The following SGK3 variants were observed in gnomAD, a reference collection of about 807,000 sequenced individuals.
The protein encoded by SGK3 is serine/threonine-protein kinase Sgk3.
Under a neutral mutation model 68.5 loss-of-function variants are expected in SGK3, and 47 were observed. That is an observed-to-expected ratio of 0.69 (90% CI 0.54 to 0.87). The LOEUF is 0.87. SGK3 is among the 40% of genes least tolerant of loss of function. SGK3 has a pLI of 0.00. For missense variants in SGK3, 479 were observed against 575.5 expected (o/e 0.83, Z 1.72); for synonymous variants, 181 against 189.1 (o/e 0.96, Z 0.35).
chr8:66,729,431 G>A (rs1473617868), intron 1 of SGK3, among the ~76,000 whole-genome samples: 1 of 151,948 alleles, frequency 6.6e-6, no homozygotes. Flanking sequence ...ACTCCAGTCT[G>A]GGCGACAGAG....
chr8:66,729,614 G>A (rs1403846045), intron 1 of SGK3, among the ~76,000 whole-genome samples: 2 of 152,142 alleles, frequency 1.3e-5, no homozygotes, highest in East Asian at 1.9e-4. Context: ...GAACATATAT[G>A]TTTTAATTTC....
At chr8:66,836,143 G>C in intron 10 of SGK3, 69 bp downstream of exon 10, 1 of 1,544,578 alleles carries the variant, frequency 6.5e-7, no homozygotes, top group Non-Finnish European at 8.7e-7. Context: ...AGTTTTTCTT[G>C]TAAGTTTTAG....
chr8:66,822,400 G>C lies in SGK3; in HGVS notation c.358G>C (p.Asp120His). Residue 120 changes from aspartate (D) to histidine (H), a missense_variant, in exon 6 of 17, where the codon GAC (aspartate) becomes CAC (histidine). By Grantham distance (81) the Asp-to-His change is moderately conservative (BLOSUM62 -1). Around this residue, in one of 3 missense-constraint regions of SGK3, gnomAD observed 298 missense variants for 329.4 expected, o/e 0.90. Transcript: ENST00000521198. ...AGATGTCAGAGCATTCCTTCAAATG[G>C]ACAGTCCAAAACACCAGTCAGATCC... ...HPDVRAFLQMDSPKHQSDPSE... is the reference protein window; with the variant it reads ...HPDVRAFLQMHSPKHQSDPSE... 6.2e-7 allele frequency: 1 copy of C among 1,609,700 alleles called. No individual in the cohort carries two copies. The highest frequency in any genetic ancestry group is 1.1e-5 in the South Asian group (1 of 90,140).
chr8:66,817,085 G>A (rs1018322134), intron 5 of SGK3, among the ~76,000 whole-genome samples: 1 of 152,030 alleles, frequency 6.6e-6, no homozygotes, highest in African/African-American at 2.4e-5. Flanking sequence ...CTCCCAAAGT[G>A]CTGGGATTAC....
At chr8:66,739,704 G>A (rs1478649629) in intron 1 of SGK3, among the ~76,000 whole-genome samples, 1 of 152,110 alleles carries the variant, frequency 6.6e-6, no homozygotes, top group Non-Finnish European at 1.5e-5. Flanking sequence ...CCGACACTGG[G>A]TAATTTATAA....
chr8:66,810,721 A>AT (rs1182081472), intron 4 of SGK3, among the ~76,000 whole-genome samples: 1 of 152,156 alleles, frequency 6.6e-6, no homozygotes, highest in Non-Finnish European at 1.5e-5. Flanking sequence ...AAATAAATAA[A>AT]TAAAATCATA....
intron 4 of SGK3, among the ~76,000 whole-genome samples, chr8:66,811,355 A>G (rs887673337): frequency 2.0e-5 from 3 of 152,166 alleles, no homozygotes; most frequent in Admixed American, 1.3e-4. Flanking sequence ...TTTGAATTCC[A>G]GCAGATACAT....
chr8:66,846,681 C>G (rs1810034479), intron 14 of SGK3, among the ~76,000 whole-genome samples: 1 of 152,136 alleles, frequency 6.6e-6, no homozygotes, highest in Non-Finnish European at 1.5e-5. Context: ...AAGCTATACC[C>G]CAAGTCTTTT....
chr8:66,831,442 C>G, intron 8 of SGK3, 131 bp downstream of exon 8: 1 of 1,068,006 alleles, frequency 9.4e-7, no homozygotes, highest in African/African-American at 1.6e-5. Context: ...TGGGCTCAAG[C>G]CATCCTCCCA....
intron 1 of SGK3, among the ~76,000 whole-genome samples, chr8:66,770,671 G>A (rs1207600389): frequency 1.3e-5 from 2 of 152,262 alleles, no homozygotes; most frequent in African/African-American, 2.4e-5. Flanking sequence ...GTGCTATTCT[G>A]TCTAATGCTT....
At chr8:66,835,920 T>C (rs1307754664) in intron 9 of SGK3, 23 bp from the exon 10 acceptor site, 1 of 1,612,244 alleles carries the variant, frequency 6.2e-7, no homozygotes, top group East Asian at 2.2e-5. Context: ...TATAATACAA[T>C]TGATCTTTTG....
At chr8:66,780,965 G>A (rs1806950435) in intron 1 of SGK3, among the ~76,000 whole-genome samples, 1 of 152,072 alleles carries the variant, frequency 6.6e-6, no homozygotes, top group Non-Finnish European at 1.5e-5. Flanking sequence ...TGTCTTTGTG[G>A]GTTTTGTTTT....
At chr8:66,789,540 C>T (rs1282493986) in intron 1 of SGK3, among the ~76,000 whole-genome samples, 2 of 152,172 alleles carry the variant, frequency 1.3e-5, no homozygotes, top group Admixed American at 1.3e-4. Flanking sequence ...GCCTATGGTC[C>T]TATTGGACCC....
chr8:66,794,264 G>A (rs1807583148), intron 2 of SGK3, among the ~76,000 whole-genome samples: 1 of 151,988 alleles, frequency 6.6e-6, no homozygotes, highest in South Asian at 2.1e-4. Flanking sequence ...TCACCTTAAA[G>A]GCTAAGCCAT....
chr8:66,740,158 G>A (rs578118097), intron 1 of SGK3, among the ~76,000 whole-genome samples: 42 of 152,260 alleles, frequency 2.8e-4, no homozygotes, highest in African/African-American at 9.6e-4. Context: ...CTGTACTTCT[G>A]TAGTCCATAA....
At chr8:66,845,511 A>G (rs868410756) in intron 14 of SGK3, among the ~76,000 whole-genome samples, 9 of 152,144 alleles carry the variant, frequency 5.9e-5, no homozygotes, top group African/African-American at 2.2e-4. Flanking sequence ...TTTAAAAATT[A>G]TGTATACTTT....
chr8:66,719,939 TAA>T (rs1292909201), intron 1 of SGK3, among the ~76,000 whole-genome samples: 1 of 152,234 alleles, frequency 6.6e-6, no homozygotes, highest in African/African-American at 2.4e-5. Flanking sequence ...ATGCCATTTT[TAA>T]AAGTTTCTCT....
intron 2 of SGK3, among the ~76,000 whole-genome samples, chr8:66,795,013 A>C (rs532780996): frequency 6.6e-6 from 1 of 152,266 alleles, no homozygotes; most frequent in Non-Finnish European, 1.5e-5. Flanking sequence ...GAGCCCCCTG[A>C]GGCTCTGACA....
At chr8:66,833,619 T>C (rs1234915226) in intron 8 of SGK3, among the ~76,000 whole-genome samples, 1 of 152,256 alleles carries the variant, frequency 6.6e-6, no homozygotes, top group Non-Finnish European at 1.5e-5. Context: ...TGTTGTCAAA[T>C]CCGTGACCAT....
Sources: allele counts gnomAD v4.1 joint callset (sites outside exome capture counted in the v4.1 genomes callset), GRCh38; gene constraint gnomAD v4.1.1; regional missense constraint gnomAD v4.1.1; transcripts MANE v1.5; gene names NCBI Gene and HGNC (gene_info 2026-07-23, HGNC 2026-07-21).